GATA4: variants seen among roughly 807,000 people sequenced by gnomAD.
The protein encoded by GATA4 is GATA binding protein 4.
Under a neutral mutation model 37.9 loss-of-function variants are expected in GATA4, and 7 were observed. The observed-to-expected ratio is 0.18, with a 90% confidence interval of 0.11 to 0.35. The LOEUF (loss-of-function observed/expected upper bound fraction) is 0.35. Among genes scored for constraint, GATA4 ranks in the 10% least tolerant of loss-of-function variants. The pLI, the probability that GATA4 is intolerant of heterozygous loss-of-function variation, is 1.00. For missense variants in GATA4, 647 were observed against 653.0 expected (o/e 0.99, Z 0.10); for synonymous variants, 372 against 292.6 (o/e 1.27, Z -2.77).
intron 2 of GATA4, among the ~76,000 whole-genome samples, chr8:11,734,887 G>T (rs1460998366): frequency 6.6e-6 from 1 of 152,190 alleles, no homozygotes; most frequent in African/African-American, 2.4e-5. Flanking sequence ...ACCATCACAT[G>T]TGGGTTAGGA....
chr8:11,688,387 T>G (rs1585555800), upstream of GATA4, among the ~76,000 whole-genome samples: 1 of 152,248 alleles, frequency 6.6e-6, no homozygotes, highest in Non-Finnish European at 1.5e-5. Flanking sequence ...CTTTTGAGTA[T>G]GTATTGTGTA....
At chr8:11,706,614 G>A (rs911036368) in intron 1 of GATA4, among the ~76,000 whole-genome samples, 2 of 152,152 alleles carry the variant, frequency 1.3e-5, no homozygotes, top group African/African-American at 4.8e-5. Context: ...CTCAGAGCCT[G>A]GATTCATATA....
chr8:11,719,660 A>C (rs1268753719), intron 2 of GATA4, among the ~76,000 whole-genome samples: 2 of 152,224 alleles, frequency 1.3e-5, no homozygotes, highest in Non-Finnish European at 2.9e-5. Flanking sequence ...TATCCTACAT[A>C]CACAGGTATG....
upstream of GATA4, among the ~76,000 whole-genome samples, chr8:11,699,288 C>G (rs1799596608): frequency 6.6e-6 from 1 of 152,224 alleles, no homozygotes; most frequent in South Asian, 2.1e-4. Flanking sequence ...TAACCCTGGT[C>G]TTGCTCTGGG....
chr8:11,689,487 C>T (rs1275318980), upstream of GATA4, among the ~76,000 whole-genome samples: 2 of 152,182 alleles, frequency 1.3e-5, no homozygotes, highest in African/African-American at 2.4e-5. Context: ...ACCCATTATG[C>T]CCCACACACA....
chr8:11,714,427 C>G (rs965826400), intron 2 of GATA4, among the ~76,000 whole-genome samples: 2 of 152,178 alleles, frequency 1.3e-5, no homozygotes, highest in African/African-American at 2.4e-5. Flanking sequence ...ACCTGCTTAT[C>G]AAGTACGCTA....
chr8:11,683,521 G>A (rs1799044568), intron 1 of GATA4, among the ~76,000 whole-genome samples: 1 of 152,044 alleles, frequency 6.6e-6, no homozygotes, highest in Non-Finnish European at 1.5e-5. Context: ...AACTTTCACC[G>A]TATTCCTTGA....
intron 1 of GATA4, among the ~76,000 whole-genome samples, chr8:11,679,704 T>A (rs1394778545): frequency 6.6e-6 from 1 of 152,102 alleles, no homozygotes; most frequent in Non-Finnish European, 1.5e-5. Context: ...GGGCGAACAG[T>A]CCTAGCCCTG....
At chr8:11,680,165 C>G (rs1419413459) in intron 1 of GATA4, among the ~76,000 whole-genome samples, 5 of 152,232 alleles carry the variant, frequency 3.3e-5, no homozygotes, top group Admixed American at 3.3e-4. Context: ...AATGACGCCG[C>G]TCCCACCTAG....
At chr8:11,679,443 G>C (rs1281818618) in intron 1 of GATA4, among the ~76,000 whole-genome samples, 1 of 152,214 alleles carries the variant, frequency 6.6e-6, no homozygotes, top group African/African-American at 2.4e-5. Context: ...CCGATCTAAG[G>C]TCAATAAACC....
chr8:11,687,946 T>C (rs1478751920), upstream of GATA4, among the ~76,000 whole-genome samples: 6 of 152,196 alleles, frequency 3.9e-5, no homozygotes, highest in Admixed American at 3.9e-4. Flanking sequence ...AAATGACCAA[T>C]GTCATTTTTA....
chr8:11,748,321 G>A (rs554802367), intron 2 of GATA4, among the ~76,000 whole-genome samples: 2 of 152,284 alleles, frequency 1.3e-5, no homozygotes, highest in African/African-American at 4.8e-5. Context: ...GAGCCCAGGG[G>A]TTCAAGGCTG....
chr8:11,700,394 C>T (rs1279252346), upstream of GATA4: 2 of 152,310 alleles, frequency 1.3e-5, no homozygotes, highest in Non-Finnish European at 2.9e-5. Flanking sequence ...GGCGGAGGCT[C>T]TACGTCCACT....
chr8:11,695,494 T>G (rs1007936009), intron 1 of GATA4, among the ~76,000 whole-genome samples: 2 of 152,232 alleles, frequency 1.3e-5, no homozygotes, highest in Admixed American at 6.5e-5. Context: ...CATGTTTCAC[T>G]GACTGCTTTT....
rs375108402 is a variant in GATA4 at position 11,713,605 on chromosome 8, T to C, written c.616+4677T>C. Among the ~76,000 whole-genome samples the C allele has an allele frequency of 9.5e-4, 142 of 148,930 alleles. 1 individual carries two copies. Among genetic ancestry groups the C allele is most frequent in the African/African-American group, 3.3e-3 (132 of 40,202 alleles). The stretch of plus-strand genomic sequence containing the variant: ...AGTCACTGAGTGGATGAAAGCAAGA[T>C]GGAGTATGACTGTGTCCAAATTTCT... On this transcript the variant is annotated intron_variant, in intron 2 of 6. Transcript: ENST00000532059.
intron 2 of GATA4, among the ~76,000 whole-genome samples, chr8:11,732,622 A>G (rs1308579349): frequency 1.3e-5 from 2 of 152,242 alleles, no homozygotes; most frequent in Non-Finnish European, 2.9e-5. Context: ...TGAACACGTC[A>G]GGTGAACCCG....
At chr8:11,697,591 C>A (rs1799543132) in intron 1 of GATA4, 1 of 985,300 alleles carries the variant, frequency 1.0e-6, no homozygotes, top group African/African-American at 1.7e-5. Context: ...AAGGGGTCCT[C>A]GCCTGCGCCG....
At chr8:11,726,917 G>A (rs758284111) in intron 2 of GATA4, among the ~76,000 whole-genome samples, 5 of 152,120 alleles carry the variant, frequency 3.3e-5, no homozygotes, top group African/African-American at 9.7e-5. Flanking sequence ...AGAGACTTCC[G>A]GAGTTTTCAC....
Position 11,758,405 on chromosome 8 carries a change from C to T in GATA4, c.1262C>T (p.Thr421Ile). ...TCTCCCGTCAGCCAGTCTCCACAGA[C>T]CAGCTCCAAGCAGGACTCTTGGAAC... ...YASPVSQSPQ[T>I]SSKQDSWNSL... Residue 421 changes from threonine (T) to isoleucine (I), a missense_variant, in exon 7 of 7, where the codon ACC becomes ATC. Physicochemically the swap from Thr to Ile is moderately conservative, Grantham distance 89. Around this residue, in one of 5 missense-constraint regions of GATA4, gnomAD observed 184 missense variants for 157.1 expected, o/e 1.17. Transcript: ENST00000532059. 1.2e-6 allele frequency: 2 copies of T among 1,614,250 alleles called. No homozygotes were observed. The highest frequency in any genetic ancestry group is 2.2e-5 in the South Asian group (2 of 91,086).
Sources: gnomAD v4.1 joint callset for allele counts (sites outside exome capture counted in the v4.1 genomes callset) on GRCh38, gnomAD v4.1.1 for gene constraint, gnomAD v4.1.1 regional missense constraint, MANE v1.5 for transcripts, NCBI Gene and HGNC (gene_info 2026-07-23, HGNC 2026-07-21) for gene names.